The following RAD54L2 variants were observed in gnomAD, a reference collection of about 807,000 sequenced individuals.
RAD54L2 encodes RAD54 like 2, also known as helicase ARIP4.
A neutral mutation model predicts 138.4 loss-of-function variants in RAD54L2; 27 were observed. The observed-to-expected ratio is 0.20, with a 90% CI of 0.14 to 0.27. The LOEUF (loss-of-function observed/expected upper bound fraction) is 0.27. Among genes scored for constraint, RAD54L2 ranks in the 10% least tolerant of loss-of-function variants. The pLI is 1.00. For missense variants in RAD54L2, 1,396 were observed against 1,890.2 expected, an observed-to-expected ratio of 0.74 and a Z score of 4.85; for synonymous variants, 644 against 723.2, an observed-to-expected ratio of 0.89 and a Z score of 1.76.
chr3:51,555,281 TTC>T (rs1301387260), intron 2 of RAD54L2, among the ~76,000 whole-genome samples: 8 of 152,284 alleles, frequency 5.3e-5, no homozygotes, highest in Admixed American at 2.6e-4. Flanking sequence ...AGATGTATAC[TTC>T]ACAGATACTG....
intron 3 of RAD54L2, among the ~76,000 whole-genome samples, chr3:51,621,669 C>T (rs1700573448): frequency 6.6e-6 from 1 of 152,236 alleles, no homozygotes; most frequent in Non-Finnish European, 1.5e-5. Flanking sequence ...TCTGCCTACT[C>T]TCTAATCTTG....
At chr3:51,571,532 G>A (rs867599200) in intron 2 of RAD54L2, among the ~76,000 whole-genome samples, 5 of 151,900 alleles carry the variant, frequency 3.3e-5, no homozygotes, top group African/African-American at 1.2e-4. Flanking sequence ...GGGACTATAG[G>A]TGCATCACTA....
intron 3 of RAD54L2, among the ~76,000 whole-genome samples, chr3:51,605,690 G>C (rs1434114910): frequency 6.6e-6 from 1 of 152,078 alleles, no homozygotes; most frequent in Admixed American, 6.6e-5. Context: ...GACCTCAAGT[G>C]ATCCACCCGC....
chr3:51,585,305 T>C (rs888819086), intron 2 of RAD54L2, among the ~76,000 whole-genome samples: 1 of 152,162 alleles, frequency 6.6e-6, no homozygotes, highest in Admixed American at 6.5e-5. Context: ...GAAGGATCTT[T>C]TTATTTAAAA....
Position 51,627,647 on chromosome 3 carries a change from G to C in RAD54L2, c.234G>C (p.Gln78His). 6.3e-7 allele frequency: 1 copy of C among 1,599,960 alleles called. No homozygotes were observed. The highest frequency in any genetic ancestry group is 8.5e-7 in the Non-Finnish European group (1 of 1,173,580). ...PPRCTSTTSS[Q>H]SEPSEQLRRH... ...GGTGCACTTCAACTACCTCATCTCAGTCTGAGCCTTCAGAGCAGCTTAGGC... is the reference window on the plus strand; with the variant it reads ...GGTGCACTTCAACTACCTCATCTCACTCTGAGCCTTCAGAGCAGCTTAGGC... The change falls in exon 4 of 23, where the codon CAG becomes CAC. Residue 78 changes from glutamine (Q) to histidine (H), a missense_variant. By Grantham distance (24) the Gln-to-His change is conservative. Coordinates refer to ENST00000684192, the MANE Select transcript of RAD54L2 (RefSeq NM_015106.4).
At chr3:51,620,386 A>T (rs60437311) in intron 3 of RAD54L2, among the ~76,000 whole-genome samples, 2 of 132,990 alleles carry the variant, frequency 1.5e-5, no homozygotes, top group East Asian at 2.2e-4. Flanking sequence ...GGCGTGATCC[A>T]CTGGGCCTGG....
At chr3:51,609,565 G>A (rs1700282920) in intron 3 of RAD54L2, among the ~76,000 whole-genome samples, 1 of 152,202 alleles carries the variant, frequency 6.6e-6, no homozygotes, top group African/African-American at 2.4e-5. Flanking sequence ...TTGTGATTTT[G>A]TAAAGGTTTC....
intron 3 of RAD54L2, among the ~76,000 whole-genome samples, chr3:51,602,619 AG>A (rs963865138): frequency 6.6e-6 from 1 of 152,206 alleles, no homozygotes; most frequent in African/African-American, 2.4e-5. Context: ...CAAACAGACC[AG>A]GGGGCATTAG....
At chr3:51,598,475 C>T (rs1055293913) in intron 3 of RAD54L2, among the ~76,000 whole-genome samples, 4 of 152,226 alleles carry the variant, frequency 2.6e-5, no homozygotes, top group Admixed American at 2.0e-4. Flanking sequence ...CGGTGGCTCA[C>T]GCCTGTAATC....
At chr3:51,607,941 T>C (rs1559634560) in intron 3 of RAD54L2, among the ~76,000 whole-genome samples, 2 of 136,276 alleles carry the variant, frequency 1.5e-5, no homozygotes, top group Non-Finnish European at 3.0e-5. Context: ...GCCCCCCTCC[T>C]CCCGGACGGG....
intron 7 of RAD54L2, among the ~76,000 whole-genome samples, chr3:51,632,622 G>A (rs1193477171): frequency 2.0e-5 from 3 of 148,412 alleles, no homozygotes; most frequent in East Asian, 2.2e-4. Context: ...GGCTGGGCAC[G>A]ATGGCTCGTG....
chr3:51,560,864 A>G (rs1004151298), intron 2 of RAD54L2, among the ~76,000 whole-genome samples: 2 of 152,184 alleles, frequency 1.3e-5, no homozygotes, highest in Non-Finnish European at 2.9e-5. Context: ...GAAAATTTGA[A>G]GGTAGGGAAT....
chr3:51,554,667 C>G (rs1288772813), intron 2 of RAD54L2, among the ~76,000 whole-genome samples: 1 of 152,134 alleles, frequency 6.6e-6, no homozygotes, highest in Admixed American at 6.6e-5. Context: ...TCTCTATAAA[C>G]ACAACTGGAT....
intron 5 of RAD54L2, among the ~76,000 whole-genome samples, chr3:51,629,953 G>C (rs1007775716): frequency 3.3e-5 from 5 of 152,146 alleles, no homozygotes; most frequent in Non-Finnish European, 5.9e-5. Context: ...ATCAGAAGAA[G>C]ATCATTTAAA....
intron 19 of RAD54L2, among the ~76,000 whole-genome samples, chr3:51,654,825 G>A (rs1458143785): frequency 6.6e-6 from 1 of 152,188 alleles, no homozygotes; most frequent in Admixed American, 6.5e-5. Context: ...CATTTGATGA[G>A]TTCATGATCC....
Position 51,638,476 on chromosome 3 carries a change from A to G in RAD54L2, c.1860+155A>G, listed in dbSNP as rs1577448839. 11 of 848,722 alleles carry G rather than the reference A, an allele frequency of 1.3e-5. No individual in the cohort carries two copies. In the East Asian group the frequency reaches 2.9e-4, roughly 23 times the overall value. The allele number at this position is 848,722 out of a possible 1,614,324, so 52.6% of individuals were successfully genotyped here. A position where few individuals can be genotyped will look rare whatever the true frequency, so the allele number is the denominator to read the frequency against. On this transcript the variant is annotated intron_variant, in intron 12 of 22. Coordinates refer to ENST00000684192, the MANE Select transcript of RAD54L2 (RefSeq NM_015106.4). This position sits in a 1 kb window ranked among gnomAD's most constrained non-coding sequence, Gnocchi z 4.3. ...CTGGAGGTTTGGGGGCTCCAAGGAGAGAGGTGATGGTTTTGTACCACATAA... is the reference window on the plus strand; with the variant it reads ...CTGGAGGTTTGGGGGCTCCAAGGAGGGAGGTGATGGTTTTGTACCACATAA...
At chr3:51,582,910 C>T (rs905358719) in intron 2 of RAD54L2, among the ~76,000 whole-genome samples, 12 of 152,050 alleles carry the variant, frequency 7.9e-5, no homozygotes, top group Admixed American at 3.3e-4. Context: ...GGACTACAGG[C>T]GCCCGCCACC....
At position 51,616,412 on chromosome 3, in the gene RAD54L2, A is replaced by G. The variant is rs753888469; in HGVS notation, c.140-11141A>G. Among the ~76,000 whole-genome samples the G allele has an allele frequency of 6.6e-5, 10 of 152,342 alleles. 1 individual carries two copies. In the South Asian group the frequency reaches 1.9e-3, roughly 28 times the overall value. On this transcript the variant is annotated intron_variant, in intron 3 of 22. Transcript: ENST00000684192. ...TCCTTCTAAGCATAACTTTAGCAAT[A>G]TCGTAAGTTTTTTTTTAAAAAGTCA...
intron 1 of RAD54L2, among the ~76,000 whole-genome samples, chr3:51,540,673 G>T (rs964567609): frequency 6.6e-6 from 1 of 152,196 alleles, no homozygotes; most frequent in South Asian, 2.1e-4. Flanking sequence ...AGGTAATTCT[G>T]TTTGTAGTTG....
Sources: allele counts gnomAD v4.1 joint callset (sites outside exome capture counted in the v4.1 genomes callset), GRCh38; gene constraint gnomAD v4.1.1; non-coding constraint Gnocchi (gnomAD v3.1); transcripts MANE v1.5; gene names NCBI Gene and HGNC (gene_info 2026-07-23, HGNC 2026-07-21).